ALDH1A1: variants seen among roughly 807,000 people sequenced by gnomAD.
ALDH1A1 encodes the protein aldehyde dehydrogenase 1 family member A1, also known as aldehyde dehydrogenase 1A1.
ALDH1A1 carries 19 observed loss-of-function variants against 62.1 expected under a neutral mutation model. That is an observed-to-expected ratio of 0.31 (90% CI 0.21 to 0.45). The LOEUF (loss-of-function observed/expected upper bound fraction) is 0.45, where lower values mean the gene tolerates loss of function less well. ALDH1A1 is among the 20% of genes least tolerant of loss of function. The pLI is 1.00. For missense variants in ALDH1A1, 521 were observed against 607.1 expected, an observed-to-expected ratio of 0.86 and a Z score of 1.49; for synonymous variants, 231 against 215.9, an observed-to-expected ratio of 1.07 and a Z score of -0.61.
intron 7 of ALDH1A1, 35 bp from the exon 8 acceptor site, chr9:72,918,857 C>A: frequency 6.7e-7 from 1 of 1,495,510 alleles, no homozygotes; most frequent in Non-Finnish European, 9.3e-7. Flanking sequence ...GAGGCTTACC[C>A]TGCTCTCATG....
At position 72,918,793 on chromosome 9, in the gene ALDH1A1, C is replaced by T; in HGVS notation, c.777G>A (p.Gly259=). The T allele has an allele frequency of 6.2e-7, 1 of 1,613,970 alleles. No homozygotes were observed. The highest frequency in any genetic ancestry group is 8.5e-7 in the Non-Finnish European group (1 of 1,179,948). The change falls in exon 8 of 13, where the codon GGG becomes GGA. Residue 259 remains glycine, a synonymous_variant. Coordinates refer to ENST00000297785, the MANE Select transcript of ALDH1A1 (RefSeq NM_000689.5). ...EVGKLIKEAA[G]KSNLKRVTLE... Reference sequence around the variant, plus strand: ...GGGTCACCCTCTTCAGATTGCTTTTCCCGGCAGCTTCTTTGATCAACTTGC... The same window carrying T: ...GGGTCACCCTCTTCAGATTGCTTTTTCCGGCAGCTTCTTTGATCAACTTGC...
chr9:72,906,342 T>C (rs1040194046), intron 11 of ALDH1A1, among the ~76,000 whole-genome samples: 2 of 152,288 alleles, frequency 1.3e-5, no homozygotes, highest in African/African-American at 4.8e-5. Flanking sequence ...GGGGGAAAGA[T>C]ATGGTTTGCT....
At chr9:72,908,543 GAAAAGAAAGAAGA>G (rs1564622366) in intron 11 of ALDH1A1, among the ~76,000 whole-genome samples, 25 of 33,588 alleles carry the variant, frequency 7.4e-4, no homozygotes, top group African/African-American at 1.3e-3. Context: ...AAGAAAGAAA[GAAAAGAAAGAAGA>G]AAGAAAGAAA....
intron 2 of ALDH1A1, among the ~76,000 whole-genome samples, chr9:72,934,022 C>T (rs1331457929): frequency 6.6e-6 from 1 of 152,100 alleles, no homozygotes; most frequent in Non-Finnish European, 1.5e-5. Context: ...TCTCAAACCC[C>T]TGGGCTCAAG....
At position 72,924,003 on chromosome 9, in the gene ALDH1A1, G is replaced by A. The variant is rs1377449370; in HGVS notation, c.747+16C>T. 9.7e-6 allele frequency: 15 copies of A among 1,553,114 alleles called. No individual in the cohort carries two copies. The highest frequency in any genetic ancestry group is 1.3e-5 in the Non-Finnish European group (15 of 1,141,548). On this transcript the variant is annotated intron_variant, in intron 7 of 12. Transcript: ENST00000297785. ...TGCAGACATTCTTAACTTTTGCCCTGAGTAAATAATATTACCTCTGTTGAT... is the reference window on the plus strand; with the variant it reads ...TGCAGACATTCTTAACTTTTGCCCTAAGTAAATAATATTACCTCTGTTGAT...
intron 2 of ALDH1A1, among the ~76,000 whole-genome samples, chr9:72,934,314 T>A (rs1413512552): frequency 6.6e-6 from 1 of 152,208 alleles, no homozygotes; most frequent in Non-Finnish European, 1.5e-5. Flanking sequence ...TTTCATATTG[T>A]CAATGCTGTC....
intron 7 of ALDH1A1, among the ~76,000 whole-genome samples, chr9:72,920,368 T>C (rs943113777): frequency 2.0e-5 from 3 of 152,184 alleles, no homozygotes; most frequent in Non-Finnish European, 2.9e-5. Context: ...ACACTTCTTA[T>C]GACCACTTTC....
chr9:72,950,980 A>G (rs905501054), intron 1 of ALDH1A1, among the ~76,000 whole-genome samples: 1 of 151,950 alleles, frequency 6.6e-6, no homozygotes, highest in Non-Finnish European at 1.5e-5. Context: ...AATTACATAC[A>G]TAACTGGCGT....
chr9:72,909,591 G>A lies in ALDH1A1; in HGVS notation c.1358+11C>T, dbSNP rs1215948509. The A allele has an allele frequency of 2.5e-6, 4 of 1,603,902 alleles. No homozygotes were observed. Among genetic ancestry groups the A allele is most frequent in the Non-Finnish European group, 2.6e-6 (3 of 1,175,902 alleles). ...TTACTGAAAAGGCTACATTCCTTAG[G>A]TTGGACTTACCACACTGTTCCTGCC... is the stretch of plus-strand genomic sequence containing the variant. On this transcript the variant is annotated intron_variant, in intron 11 of 12. Transcript: ENST00000297785.
At chr9:72,939,979 A>ATTTTTTTTT in intron 2 of ALDH1A1, among the ~76,000 whole-genome samples, 169 bp downstream of exon 2, 1 of 143,682 alleles carries the variant, frequency 7.0e-6, no homozygotes. Flanking sequence ...ACTACAGAGC[A>ATTTTTTTTT]TTTTTTTTTT....
At chr9:72,944,838 G>T (rs934491688) in intron 1 of ALDH1A1, among the ~76,000 whole-genome samples, 2 of 152,010 alleles carry the variant, frequency 1.3e-5, no homozygotes, top group Non-Finnish European at 2.9e-5. Flanking sequence ...ATGTAAAGTA[G>T]ACATCAACCT....
At chr9:72,926,575 T>A (rs1456145966) in intron 5 of ALDH1A1, among the ~76,000 whole-genome samples, 1 of 152,242 alleles carries the variant, frequency 6.6e-6, no homozygotes, top group Non-Finnish European at 1.5e-5. Flanking sequence ...CTGAGCCTCT[T>A]ATCTAAAGGT....
intron 12 of ALDH1A1, among the ~76,000 whole-genome samples, chr9:72,904,750 G>A (rs1012622629): frequency 2.0e-5 from 3 of 152,124 alleles, no homozygotes; most frequent in Non-Finnish European, 2.9e-5. Flanking sequence ...CTCTGGTAGT[G>A]TCTAGGTTTT....
At chr9:72,912,279 G>A (rs559237904) in intron 9 of ALDH1A1, among the ~76,000 whole-genome samples, 157 bp from the exon 10 acceptor site, 1 of 152,198 alleles carries the variant, frequency 6.6e-6, no homozygotes, top group Admixed American at 6.5e-5. Context: ...TCATTCTTTG[G>A]ATATATTTTC....
At chr9:72,905,140 CTG>C (rs1183906749) in intron 12 of ALDH1A1, among the ~76,000 whole-genome samples, 1 of 152,064 alleles carries the variant, frequency 6.6e-6, no homozygotes, top group Non-Finnish European at 1.5e-5. Flanking sequence ...AGTTTACGAT[CTG>C]TGTTTGATAC....
Position 72,925,499 on chromosome 9 carries a change from T to C in ALDH1A1, c.618A>G (p.Ala206=). ...GGAGACTTACCTCTTTTATTAAAGA[T>C]GCCACGTGGAGAGCAGTGAGAGGAG... The part of the protein sequence containing the change: ...EQTPLTALHV[A]SLIKEAGFPP... Residue 206 remains alanine, a synonymous_variant, in exon 6 of 13, where the codon GCA becomes GCG. Coordinates refer to ENST00000297785, the MANE Select transcript of ALDH1A1 (RefSeq NM_000689.5). 2 of 1,613,438 alleles carry C rather than the reference T, an allele frequency of 1.2e-6. No homozygotes were observed. The highest frequency in any genetic ancestry group is 2.2e-5 in the South Asian group (2 of 90,932).
intron 5 of ALDH1A1, among the ~76,000 whole-genome samples, chr9:72,926,819 A>ATAT (rs1445311596): frequency 1.3e-5 from 2 of 152,236 alleles, no homozygotes; most frequent in Non-Finnish European, 2.9e-5. Flanking sequence ...TGGCTCTTAT[A>ATAT]AAGAGTACAT....
At chr9:72,911,911 G>A in intron 10 of ALDH1A1, 47 bp downstream of exon 10, 1 of 1,606,966 alleles carries the variant, frequency 6.2e-7, no homozygotes, top group Middle Eastern at 1.7e-4. Flanking sequence ...CACACAAACA[G>A]ACAAAACATG....
intron 12 of ALDH1A1, among the ~76,000 whole-genome samples, chr9:72,903,527 G>A (rs975009982): frequency 1.3e-5 from 2 of 151,586 alleles, no homozygotes; most frequent in African/African-American, 4.8e-5. Context: ...ACATCTTGCA[G>A]CAAATGACTT....
Sources: allele counts gnomAD v4.1 joint callset (sites outside exome capture counted in the v4.1 genomes callset), GRCh38; gene constraint gnomAD v4.1.1; transcripts MANE v1.5; gene names NCBI Gene and HGNC (gene_info 2026-07-23, HGNC 2026-07-21).